MKRN2OS: variants seen among roughly 807,000 people sequenced by gnomAD.
MKRN2OS encodes the protein MKRN2 opposite strand, also known as MKRN2 opposite strand protein.
A neutral mutation model predicts 18.2 loss-of-function variants in MKRN2OS; 17 were observed. That is an observed-to-expected ratio of 0.93 (90% confidence interval 0.64 to 1.40). The LOEUF (loss-of-function observed/expected upper bound fraction) is 1.40, where lower values mean the gene tolerates loss of function less well. MKRN2OS is among the 40% of genes most tolerant of loss of function. MKRN2OS has a pLI of 0.00. For synonymous variants in MKRN2OS, 121 were observed against 108.5 expected (o/e 1.12, Z -0.72); for missense variants, 337 against 283.0 (o/e 1.19, Z -1.37).
chr3:12,557,096 G>C (rs973844453), intron 1 of MKRN2OS: 2 of 1,483,066 alleles, frequency 1.3e-6, no homozygotes, highest in Admixed American at 4.6e-5. Flanking sequence ...CAAGGCCGAG[G>C]CGGCAGCGGC....
chr3:12,545,184 T>G, intron 1 of MKRN2OS, 63 bp downstream of exon 1: 1 of 1,311,194 alleles, frequency 7.6e-7, no homozygotes, highest in African/African-American at 1.5e-5. Flanking sequence ...AAGGAAACTT[T>G]AGTGACTAAA....
At chr3:12,548,463 AAAAAAAAAAAAAAAAAAAAC>A (rs1230304306), upstream of MKRN2OS, among the ~76,000 whole-genome samples, 189 of 139,608 alleles carry the variant, frequency 1.4e-3, 2 homozygotes, top group South Asian at 8.6e-3. Flanking sequence ...AAAAAAAAAA[AAAAAAAAAAAAAAAAAAAAC>A]CAGCCGAGCG....
chr3:12,553,016 CAAAAAAAAA>C (rs371579378), downstream of MKRN2OS, among the ~76,000 whole-genome samples: 20 of 102,006 alleles, frequency 2.0e-4, no homozygotes, highest in Non-Finnish European at 2.3e-4. Flanking sequence ...ACCCGGTCTC[CAAAAAAAAA>C]AAAAAAAAAA....
At chr3:12,554,615 G>T (rs2057953174) in intron 1 of MKRN2OS, among the ~76,000 whole-genome samples, 1 of 151,988 alleles carries the variant, frequency 6.6e-6, no homozygotes, top group Non-Finnish European at 1.5e-5. Context: ...AGCAGTACAA[G>T]GCTGATGAAA....
chr3:12,548,614 A>G (rs1266958440), upstream of MKRN2OS, among the ~76,000 whole-genome samples: 1 of 152,188 alleles, frequency 6.6e-6, no homozygotes, highest in Non-Finnish European at 1.5e-5. Flanking sequence ...CCTGGGCTCC[A>G]GAGCGAAACT....
chr3:12,559,251 A>G (rs2058014483), intron 1 of MKRN2OS, among the ~76,000 whole-genome samples: 1 of 152,192 alleles, frequency 6.6e-6, no homozygotes, highest in Non-Finnish European at 1.5e-5. Context: ...CCAAGTTTAC[A>G]TTAGTGTGTT....
intron 2 of MKRN2OS, 86 bp from the exon 3 acceptor site, chr3:12,542,108 TGTG>T (rs2057823188): frequency 3.7e-6 from 5 of 1,340,422 alleles, no homozygotes; most frequent in East Asian, 2.6e-5. Flanking sequence ...ACAGTAGCCA[TGTG>T]GTAACTTTAC....
At chr3:12,556,453 A>C (rs184815575) in intron 1 of MKRN2OS, among the ~76,000 whole-genome samples, 16 of 152,180 alleles carry the variant, frequency 1.1e-4, no homozygotes, top group Admixed American at 2.0e-4. Flanking sequence ...CGCATTGGAC[A>C]GAGGTGTGGG....
chr3:12,547,924 C>T (rs2057898623), upstream of MKRN2OS, among the ~76,000 whole-genome samples: 1 of 152,182 alleles, frequency 6.6e-6, no homozygotes, highest in South Asian at 2.1e-4. Flanking sequence ...TCATTTCAAC[C>T]AACCTTCTCT....
upstream of MKRN2OS, among the ~76,000 whole-genome samples, chr3:12,546,990 C>T (rs997079703): frequency 6.6e-5 from 10 of 152,250 alleles, 1 homozygote; most frequent in South Asian, 1.7e-3. Flanking sequence ...CGCCTGTAGT[C>T]CCAGTTACTC....
chr3:12,546,667 G>A (rs566963480), upstream of MKRN2OS, among the ~76,000 whole-genome samples: 8 of 130,074 alleles, frequency 6.2e-5, no homozygotes, highest in South Asian at 2.6e-4. Flanking sequence ...TGCAACCTCC[G>A]CCTCCTGGGT....
chr3:12,540,049 T>C lies in MKRN2OS; in HGVS notation c.*144A>G, dbSNP rs1159282759. On this transcript the variant is annotated 3_prime_UTR_variant, in exon 4 of 4. Transcript: ENST00000564146. ...ACCTACCTGTCTTAGCTTCCCAAAG[T>C]GCTGGGATTACAGGTGTGAGCCACC... 1 of 1,224,242 alleles carries C rather than the reference T, an allele frequency of 8.2e-7. No homozygotes were observed. Among genetic ancestry groups the C allele is most frequent in the Non-Finnish European group, 1.1e-6 (1 of 891,054 alleles). The allele number at this position is 1,224,242 out of a possible 1,614,324, so 75.8% of individuals were successfully genotyped here. A position where few individuals can be genotyped will look rare whatever the true frequency, so the allele number is the denominator to read the frequency against.
rs1366249606 is a variant in MKRN2OS, at chr3:12,541,891, A to C, written c.400T>G (p.Phe134Val). Residue 134 changes from phenylalanine to valine, a missense_variant, in exon 3 of 4, where the codon TTC becomes GTC. Phe to Val is a conservative substitution (Grantham distance 50). Transcript: ENST00000564146. Reference protein sequence around the residue: ...MEQWDKYLEDFSTSGAWLPHR... With the variant: ...MEQWDKYLEDVSTSGAWLPHR... ...GGCAGCCAGGCCCCCGAGGTGGAGA[A>C]GTCTTCCAGGTACTTGTCCCATTGC... 1 of 1,535,868 alleles carries C rather than the reference A, an allele frequency of 6.5e-7. No homozygotes were observed. The highest frequency in any genetic ancestry group is 1.4e-5 in the African/African-American group (1 of 73,016).
Position 12,545,487 on chromosome 3 carries a change from A to G in MKRN2OS, c.-23T>C. ...CATAGCTTTCGCCTCCTGGAATGCT[A>G]GGGGAGGTTTCCGGAGACTTCCTTT... On this transcript the variant is annotated 5_prime_UTR_variant, in exon 1 of 4. Coordinates refer to ENST00000564146, the MANE Select transcript of MKRN2OS (RefSeq NM_001195279.2). 1 of 1,485,084 alleles carries G rather than the reference A, an allele frequency of 6.7e-7. No individual in the cohort carries two copies. The highest frequency in any genetic ancestry group is 1.3e-5 in the South Asian group (1 of 78,914). 92.0% of individuals were successfully genotyped at this position (1,485,084 alleles called of 1,614,324 possible).
chr3:12,554,484 A>G (rs1244920004), intron 1 of MKRN2OS, among the ~76,000 whole-genome samples: 5 of 150,604 alleles, frequency 3.3e-5, no homozygotes, highest in Non-Finnish European at 1.5e-5. Context: ...TATGAAATAT[A>G]TGAAATATAT....
chr3:12,540,481 A>T, intron 3 of MKRN2OS, 48 bp from the exon 4 acceptor site: 2 of 1,533,734 alleles, frequency 1.3e-6, no homozygotes, highest in Non-Finnish European at 1.7e-6. Flanking sequence ...TGCTCAGAAC[A>T]GGCTGTCAAG....
At chr3:12,541,710 G>A (rs1035305219) in intron 3 of MKRN2OS, 150 bp downstream of exon 3, 9 of 875,544 alleles carry the variant, frequency 1.0e-5, no homozygotes, top group Admixed American at 9.1e-5. Flanking sequence ...TTCAACCTCT[G>A]TTTAAATTCT....
chr3:12,557,207 C>A, intron 1 of MKRN2OS: 5 of 1,531,950 alleles, frequency 3.3e-6, no homozygotes, highest in Non-Finnish European at 4.4e-6. Context: ...AGCTTCGGGC[C>A]GCTCCCCCAG....
At position 12,540,207 on chromosome 3, in the gene MKRN2OS, C is replaced by T. The variant is rs765811909; in HGVS notation, c.658G>A (p.Gly220Ser). 24 of 1,536,026 alleles carry T rather than the reference C, an allele frequency of 1.6e-5. 1 individual carries two copies. The highest frequency in any genetic ancestry group is 1.4e-4 in the South Asian group (12 of 84,066). The change falls in exon 4 of 4, where the codon GGC becomes AGC. Residue 220 changes from glycine (G) to serine (S), a missense_variant. Transcript: ENST00000564146. ...PQQQAQPPEG[G>S]GLC ...TTACATAGCTCTCAGCACAAACCGC[C>T]GCCCTCAGGGGGTTGTGCCTGCTGC...
Sources: gnomAD v4.1 joint callset for allele counts (sites outside exome capture counted in the v4.1 genomes callset) on GRCh38, gnomAD v4.1.1 for gene constraint, MANE v1.5 for transcripts, NCBI Gene and HGNC (gene_info 2026-07-23, HGNC 2026-07-21) for gene names.